CSGALNACT1: variants seen among roughly 807,000 people sequenced by gnomAD.
The protein encoded by CSGALNACT1 is chondroitin sulfate N-acetylgalactosaminyltransferase 1.
In CSGALNACT1, 52 loss-of-function variants were observed where a neutral mutation model predicts 51.0. The observed-to-expected ratio is 1.02, with a 90% CI of 0.82 to 1.29. CSGALNACT1 has a LOEUF of 1.29. Among genes scored for constraint, CSGALNACT1 ranks in the 50% most tolerant of loss-of-function variants. CSGALNACT1 has a pLI of 0.00. For missense variants in CSGALNACT1, 935 were observed against 679.2 expected, an observed-to-expected ratio of 1.38 and a Z score of -4.19; for synonymous variants, 341 against 254.4, an observed-to-expected ratio of 1.34 and a Z score of -3.24.
chr8:19,496,527 G>A (rs2075494082), intron 4 of CSGALNACT1, among the ~76,000 whole-genome samples: 1 of 152,170 alleles, frequency 6.6e-6, no homozygotes, highest in African/African-American at 2.4e-5. Context: ...TTATAAAGGA[G>A]TTTCAGACTT....
chr8:19,411,833 C>CT lies in CSGALNACT1; in HGVS notation c.1228-3140dup, dbSNP rs35593808. On this transcript the variant is annotated intron_variant, in intron 8 of 9. Coordinates refer to ENST00000454498, the Ensembl canonical transcript of CSGALNACT1. ...TGATCTGTTTCCAAGCACTATCCTC[C>CT]TTTTTTTTTTTTTTTTTGACGGAGT... Among the ~76,000 whole-genome samples the CT allele has an allele frequency of 5.1e-3, 686 of 135,620 alleles. 3 individuals carry two copies. The highest frequency in any genetic ancestry group is 0.011 in the Middle Eastern group (3 of 268). 89.0% of individuals were successfully genotyped at this position (135,620 alleles called of 152,430 possible). A position where few individuals can be genotyped will look rare whatever the true frequency, so the allele number is the denominator to read the frequency against.
intron 3 of CSGALNACT1, among the ~76,000 whole-genome samples, chr8:19,566,490 A>G (rs1022781608): frequency 2.0e-5 from 3 of 152,234 alleles, no homozygotes; most frequent in African/African-American, 7.2e-5. Context: ...AGCCACAGGA[A>G]ACCAACACGC....
chr8:19,485,779 T>TTTTTTG (rs2072756440), intron 4 of CSGALNACT1, among the ~76,000 whole-genome samples: 1 of 138,264 alleles, frequency 7.2e-6, no homozygotes, highest in Non-Finnish European at 1.6e-5. Flanking sequence ...TTTTTTTTTT[T>TTTTTTG]TTTTTTGACA....
chr8:19,437,119 A>G (rs933722687), intron 6 of CSGALNACT1, among the ~76,000 whole-genome samples: 2 of 152,108 alleles, frequency 1.3e-5, no homozygotes, highest in African/African-American at 4.8e-5. Flanking sequence ...AAATCATCAA[A>G]TCGCGCACCA....
intron 1 of CSGALNACT1, among the ~76,000 whole-genome samples, chr8:19,719,356 G>A (rs577820550): frequency 6.6e-6 from 1 of 152,294 alleles, no homozygotes; most frequent in African/African-American, 2.4e-5. Context: ...AGGTTGACAA[G>A]TGGATCTTCT....
intron 6 of CSGALNACT1, among the ~76,000 whole-genome samples, chr8:19,427,068 G>GT (rs2058880690): frequency 1.3e-5 from 2 of 152,154 alleles, no homozygotes; most frequent in Admixed American, 1.3e-4. Context: ...AGCTGAACAT[G>GT]TTATCATCCA....
intron 3 of CSGALNACT1, among the ~76,000 whole-genome samples, chr8:19,523,041 C>T (rs1249170025): frequency 6.6e-6 from 1 of 152,140 alleles, no homozygotes; most frequent in African/African-American, 2.4e-5. Flanking sequence ...CTTTTGAATA[C>T]ACTCGTGTGA....
At chr8:19,464,235 G>A in intron 4 of CSGALNACT1, among the ~76,000 whole-genome samples, 1 of 152,138 alleles carries the variant, frequency 6.6e-6, no homozygotes, top group Non-Finnish European at 1.5e-5. Flanking sequence ...TCTCCCAGCT[G>A]GATAACAAGA....
At chr8:19,550,516 T>C (rs1402170375) in intron 3 of CSGALNACT1, among the ~76,000 whole-genome samples, 2 of 152,206 alleles carry the variant, frequency 1.3e-5, no homozygotes, top group African/African-American at 4.8e-5. Context: ...TTATAGGTTT[T>C]TGAAGTTTTT....
At chr8:19,612,071 A>G (rs7836203) in intron 1 of CSGALNACT1, among the ~76,000 whole-genome samples, 3,449 of 152,284 alleles carry the variant, frequency 0.023, 140 homozygotes, top group African/African-American at 0.078. Flanking sequence ...AGACCAGCAC[A>G]GTGGTTCACG....
chr8:19,472,456 G>A (rs969860635), intron 4 of CSGALNACT1, among the ~76,000 whole-genome samples: 12 of 152,198 alleles, frequency 7.9e-5, no homozygotes, highest in African/African-American at 1.2e-4. Flanking sequence ...TCTGACTCAC[G>A]TCCATTTTTC....
rs187043700 is a variant in CSGALNACT1 at position 19,720,891 on chromosome 8, G to A, written c.-297+36959C>T. Among the ~76,000 whole-genome samples, 844 of 152,288 alleles carry A rather than the reference G, an allele frequency of 5.5e-3. 15 individuals are homozygous for A. Among genetic ancestry groups the A allele is most frequent in the Non-Finnish European group, 8.2e-3 (561 of 68,024 alleles). ...CTGAGCCAGATACCTGTCCCCAAGGGGGCCTGCTGAAGTGGTAAGGACGGC... is the reference window on the plus strand; with the variant it reads ...CTGAGCCAGATACCTGTCCCCAAGGAGGCCTGCTGAAGTGGTAAGGACGGC... On this transcript the variant is annotated intron_variant, in intron 1 of 1. Coordinates refer to the CSGALNACT1 transcript ENST00000517494.
chr8:19,491,015 T>C (rs1164946250), intron 4 of CSGALNACT1, among the ~76,000 whole-genome samples: 4 of 151,642 alleles, frequency 2.6e-5, no homozygotes, highest in Admixed American at 1.3e-4. Context: ...TATTGCAAAG[T>C]ATAACAGCAA....
intron 3 of CSGALNACT1, among the ~76,000 whole-genome samples, chr8:19,571,634 G>A (rs6998022): frequency 0.34 from 51,787 of 152,048 alleles, 11,152 homozygotes; most frequent in African/African-American, 0.62. Flanking sequence ...CTGGATGAAA[G>A]TTACCAATAT....
intron 1 of CSGALNACT1, among the ~76,000 whole-genome samples, chr8:19,630,088 A>G (rs901652784): frequency 2.0e-5 from 3 of 152,122 alleles, no homozygotes; most frequent in African/African-American, 7.2e-5. Flanking sequence ...CTACCCATCC[A>G]GGCCAACACG....
intron 1 of CSGALNACT1, among the ~76,000 whole-genome samples, chr8:19,693,113 C>A (rs574059751): frequency 7.2e-5 from 11 of 152,272 alleles, no homozygotes; most frequent in African/African-American, 2.6e-4. Context: ...ATTCCCTACC[C>A]TTCACCTGCA....
At chr8:19,503,196 G>A (rs1321225227) in intron 4 of CSGALNACT1, among the ~76,000 whole-genome samples, 2 of 152,100 alleles carry the variant, frequency 1.3e-5, no homozygotes, top group East Asian at 1.9e-4. Flanking sequence ...ACTCATCAAC[G>A]AAAACAGTTG....
intron 3 of CSGALNACT1, among the ~76,000 whole-genome samples, chr8:19,587,615 C>T (rs1588725171): frequency 6.6e-6 from 1 of 152,282 alleles, no homozygotes; most frequent in African/African-American, 2.4e-5. Flanking sequence ...ATGTTCTTAG[C>T]AATACCACAA....
chr8:19,511,259 A>G (rs751098391), intron 3 of CSGALNACT1, among the ~76,000 whole-genome samples: 1 of 152,236 alleles, frequency 6.6e-6, no homozygotes, highest in Non-Finnish European at 1.5e-5. Flanking sequence ...AAAAGGCTTG[A>G]TGGAGAAAAA....
Sources: gnomAD v4.1 joint callset for allele counts (sites outside exome capture counted in the v4.1 genomes callset) on GRCh38, gnomAD v4.1.1 for gene constraint, MANE v1.5 for transcripts, NCBI Gene and HGNC (gene_info 2026-07-23, HGNC 2026-07-21) for gene names.